The following LRRC36 variants were observed in gnomAD, a reference collection of about 807,000 sequenced individuals.
LRRC36 encodes leucine-rich repeat-containing protein 36.
Under a neutral mutation model 81.1 loss-of-function variants are expected in LRRC36, and 62 were observed. The observed-to-expected ratio is 0.76, with a 90% CI of 0.62 to 0.94. The LOEUF (loss-of-function observed/expected upper bound fraction) is 0.94. Among genes scored for constraint, LRRC36 ranks in the 40% least tolerant of loss-of-function variants. The pLI, the probability that LRRC36 is intolerant of heterozygous loss-of-function variation, is 0.00. For synonymous variants in LRRC36, 334 were observed against 348.6 expected, an observed-to-expected ratio of 0.96 and a Z score of 0.47; for missense variants, 761 against 881.7, an observed-to-expected ratio of 0.86 and a Z score of 1.73.
At chr16:67,341,304 CTA>C (rs2038070358) in intron 1 of LRRC36, among the ~76,000 whole-genome samples, 1 of 102,324 alleles carries the variant, frequency 9.8e-6, no homozygotes, top group African/African-American at 1.1e-4. Context: ...AGTCTATAGA[CTA>C]TAGACTATAG....
intron 11 of LRRC36, 64 bp from the exon 12 acceptor site, chr16:67,378,525 C>T: frequency 1.3e-6 from 2 of 1,533,088 alleles, no homozygotes; most frequent in Non-Finnish European, 1.8e-6. Flanking sequence ...CAGGCGTGAG[C>T]CACGGCACCC....
chr16:67,384,258 A>G (rs987886580), intron 13 of LRRC36, among the ~76,000 whole-genome samples: 3 of 152,146 alleles, frequency 2.0e-5, no homozygotes, highest in African/African-American at 7.2e-5. Context: ...AACATGGTGA[A>G]ACCTTGTCTC....
intron 1 of LRRC36, among the ~76,000 whole-genome samples, chr16:67,334,099 T>A (rs1567464859): frequency 1.3e-5 from 2 of 150,848 alleles, no homozygotes; most frequent in Non-Finnish European, 2.9e-5. Flanking sequence ...GGCGTGGATC[T>A]CGGCTCACCG....
rs752986895 is a variant in LRRC36 at position 67,371,060 on chromosome 16, G to A, written c.1312G>A (p.Ala438Thr). The A allele has an allele frequency of 1.4e-5, 22 of 1,613,982 alleles. No homozygotes were observed. Among genetic ancestry groups the A allele is most frequent in the African/African-American group, 9.3e-5 (7 of 74,896 alleles). Residue 438 changes from alanine to threonine, a missense_variant, in exon 9 of 14, where the codon GCT becomes ACT. By Grantham distance (58) the Ala-to-Thr change is moderately conservative. Transcript: ENST00000329956. ...AGCACATGGTTCTGTCCCAAACAAC[G>A]CTGTCCTGGGAAACAGGACAACTCC... ...TPAHGSVPNN[A>T]VLGNRTTPLR...
intron 5 of LRRC36, among the ~76,000 whole-genome samples, chr16:67,354,263 T>C (rs933271737): frequency 6.6e-6 from 1 of 151,950 alleles, no homozygotes; most frequent in African/African-American, 2.4e-5. Flanking sequence ...CCAAAGCCCA[T>C]CCATTTTAAT....
At chr16:67,362,779 G>T (rs2142088069) in intron 5 of LRRC36, among the ~76,000 whole-genome samples, 1 of 151,760 alleles carries the variant, frequency 6.6e-6, no homozygotes, top group South Asian at 2.1e-4. Context: ...TGTTGTTGTT[G>T]TTGTTGTTGT....
intron 1 of LRRC36, among the ~76,000 whole-genome samples, chr16:67,328,278 C>A (rs781559421): frequency 4.1e-4 from 62 of 151,932 alleles, no homozygotes; most frequent in Non-Finnish European, 8.8e-5. Context: ...TCTGGGAGGC[C>A]GAGGCGGGCG....
At chr16:67,338,530 T>C (rs900252880) in intron 1 of LRRC36, among the ~76,000 whole-genome samples, 5 of 152,202 alleles carry the variant, frequency 3.3e-5, no homozygotes, top group Non-Finnish European at 7.3e-5. Context: ...AAGTGGTAGT[T>C]TCTTAAAGTT....
chr16:67,376,653 G>A, intron 10 of LRRC36, 74 bp from the exon 11 acceptor site: 1 of 1,451,306 alleles, frequency 6.9e-7, no homozygotes, highest in Non-Finnish European at 9.5e-7. Context: ...CCAGAGAGCT[G>A]GTAGTTACTG....
rs910806343 is a variant in LRRC36, at chr16:67,347,523, A to G, written c.420A>G (p.Arg140=). Residue 140 remains arginine, a synonymous_variant, in exon 4 of 14, where the codon AGA becomes AGG. Transcript: ENST00000329956. ...ACCGAACTGTACGTGAAGGTGAGAG[A>G]AAAGCTGCCAAGCTGCATTTTAGTC... is the stretch of plus-strand genomic sequence containing the variant. ...LDDRTVREGE[R]KAAKLHFSQL... 3 of 1,613,210 alleles carry G rather than the reference A, an allele frequency of 1.9e-6. No individual in the cohort carries two copies. The African/African-American group carries it at 4.0e-5, about 22-fold the overall frequency.
chr16:67,370,844 G>A, intron 8 of LRRC36, 100 bp from the exon 9 acceptor site: 1 of 890,028 alleles, frequency 1.1e-6, no homozygotes, highest in Non-Finnish European at 1.8e-6. Context: ...ATGCTAGGGA[G>A]TGGTTATTAT....
chr16:67,384,497 T>A (rs574005050), intron 13 of LRRC36, among the ~76,000 whole-genome samples: 1 of 152,144 alleles, frequency 6.6e-6, no homozygotes, highest in South Asian at 2.1e-4. Context: ...CATTAGTGAA[T>A]TGCAGTGGCA....
intron 5 of LRRC36, among the ~76,000 whole-genome samples, chr16:67,362,693 A>G (rs1293930910): frequency 6.6e-6 from 1 of 152,196 alleles, no homozygotes; most frequent in Non-Finnish European, 1.5e-5. Flanking sequence ...TAAAAAATAC[A>G]TTGGGAGACC....
intron 5 of LRRC36, among the ~76,000 whole-genome samples, chr16:67,350,917 A>G (rs1406482855): frequency 7.2e-5 from 11 of 152,226 alleles, no homozygotes; most frequent in Non-Finnish European, 1.3e-4. Context: ...GCATGCCTGT[A>G]ATCCCATCTA....
intron 5 of LRRC36, 57 bp downstream of exon 5, chr16:67,350,347 A>C: frequency 7.4e-7 from 1 of 1,351,070 alleles, no homozygotes; most frequent in African/African-American, 1.4e-5. Flanking sequence ...CTCAGCTGCC[A>C]TAGCCAATAT....
chr16:67,347,127 T>C (rs2038388124), intron 3 of LRRC36, among the ~76,000 whole-genome samples: 1 of 152,184 alleles, frequency 6.6e-6, no homozygotes, highest in Non-Finnish European at 1.5e-5. Flanking sequence ...ATACATTTCT[T>C]ATTGATACAA....
chr16:67,333,292 C>T (rs2037587679), intron 1 of LRRC36, among the ~76,000 whole-genome samples: 1 of 152,100 alleles, frequency 6.6e-6, no homozygotes, highest in Admixed American at 6.6e-5. Context: ...CCACCATACC[C>T]TGCTAATTTT....
rs71145967 is a variant in LRRC36 at position 67,338,865 on chromosome 16, ATTTTTTTTTTTTTTTTTTTTTTTTTTTTT to A, written c.71-3074_71-3046del. ...TTTCTAATTTCTGCTTGGAAGCTGA[ATTTTTTTTTTTTTTTTTTTTTTTTTTTTT>A]TTTTTTTTTTTTTTTTTAGGGACAG... On this transcript the variant is annotated intron_variant, in intron 1 of 13. Coordinates refer to ENST00000329956, the MANE Select transcript of LRRC36 (RefSeq NM_018296.6). Among the ~76,000 whole-genome samples, 10 of 45,374 alleles carry A rather than the reference ATTTTTTTTTTTTTTTTTTTTTTTTTTTTT, an allele frequency of 2.2e-4. No individual in the cohort carries two copies. In the South Asian group the frequency reaches 4.5e-3, roughly 20 times the overall value. 29.8% of individuals were successfully genotyped at this position (45,374 alleles called of 152,430 possible).
chr16:67,368,970 T>C (rs1243145564), intron 8 of LRRC36, among the ~76,000 whole-genome samples: 1 of 152,138 alleles, frequency 6.6e-6, no homozygotes, highest in Non-Finnish European at 1.5e-5. Context: ...TGGAAAAGAA[T>C]GGGAGGTAGA....
Sources: allele counts gnomAD v4.1 joint callset (sites outside exome capture counted in the v4.1 genomes callset), GRCh38; gene constraint gnomAD v4.1.1; transcripts MANE v1.5; gene names NCBI Gene and HGNC (gene_info 2026-07-23, HGNC 2026-07-21).